SCAF8: variants seen among roughly 807,000 people sequenced by gnomAD.
SCAF8 encodes SR-related and CTD-associated factor 8.
Under a neutral mutation model 140.5 loss-of-function variants are expected in SCAF8, and 23 were observed. That is an observed-to-expected ratio of 0.16 (90% confidence interval 0.12 to 0.23). The LOEUF (loss-of-function observed/expected upper bound fraction) is 0.23. Among genes scored for constraint, SCAF8 ranks in the 10% least tolerant of loss-of-function variants. SCAF8 has a pLI of 1.00. For missense variants in SCAF8, 1,397 were observed against 1,555.7 expected (o/e 0.90, Z 1.72); for synonymous variants, 575 against 528.9 (o/e 1.09, Z -1.20).
At chr6:154,792,187 AAG>A (rs1247688784) in intron 4 of SCAF8, among the ~76,000 whole-genome samples, 1 of 152,128 alleles carries the variant, frequency 6.6e-6, no homozygotes, top group African/African-American at 2.4e-5. Context: ...AGAGGGAATG[AAG>A]AGAGAAGAAA....
intron 10 of SCAF8, 30 bp from the exon 11 acceptor site, chr6:154,808,655 CT>C: frequency 8.5e-7 from 1 of 1,170,018 alleles, no homozygotes; most frequent in African/African-American, 3.6e-5. Flanking sequence ...ACCAGCCTTT[CT>C]GTTTGTTTGC....
chr6:154,747,888 T>G (rs1339183279), intron 1 of SCAF8, among the ~76,000 whole-genome samples: 1 of 138,918 alleles, frequency 7.2e-6, no homozygotes, highest in African/African-American at 2.8e-5. Context: ...GGAGTTTACA[T>G]TTCATTTCTG....
intron 3 of SCAF8, among the ~76,000 whole-genome samples, chr6:154,782,456 C>T (rs1048679383): frequency 3.3e-5 from 5 of 151,582 alleles, no homozygotes; most frequent in Non-Finnish European, 7.4e-5. Flanking sequence ...AAAATGGGGG[C>T]GGCAGCAGCA....
Position 154,733,494 on chromosome 6 carries a change from C to A in SCAF8, c.-407C>A. On this transcript the variant is annotated 5_prime_UTR_variant, in exon 1 of 20. Transcript: ENST00000367178. The stretch of plus-strand genomic sequence containing the variant: ...GCGGGGCTGGTTCCTGCGGCCCGAG[C>A]GGCGGGGAGGTGAAACAGGAGCCCG... 1 of 1,322,026 alleles carries A rather than the reference C, an allele frequency of 7.6e-7. No homozygotes were observed. The highest frequency in any genetic ancestry group is 9.6e-7 in the Non-Finnish European group (1 of 1,038,404). 81.9% of individuals were successfully genotyped at this position (1,322,026 alleles called of 1,614,324 possible). A position where few individuals can be genotyped will look rare whatever the true frequency, so the allele number is the denominator to read the frequency against.
At chr6:154,798,048 G>A (rs1483783909) in intron 6 of SCAF8, among the ~76,000 whole-genome samples, 3 of 151,318 alleles carry the variant, frequency 2.0e-5, no homozygotes, top group Non-Finnish European at 3.0e-5. Context: ...TCAACCTTCA[G>A]CAAACATTTA....
chr6:154,752,478 A>G (rs1411309860), intron 1 of SCAF8, among the ~76,000 whole-genome samples: 5 of 152,072 alleles, frequency 3.3e-5, no homozygotes, highest in Admixed American at 1.3e-4. Flanking sequence ...ACTAGGGGAT[A>G]CTGGGAATTT....
chr6:154,750,468 C>T (rs943250277), intron 1 of SCAF8, among the ~76,000 whole-genome samples: 1 of 152,088 alleles, frequency 6.6e-6, no homozygotes, highest in Non-Finnish European at 1.5e-5. Context: ...CCCTCCCTTT[C>T]CCCCATCCCT....
intron 2 of SCAF8, among the ~76,000 whole-genome samples, chr6:154,776,694 G>A (rs1776926832): frequency 6.6e-6 from 1 of 152,118 alleles, no homozygotes; most frequent in South Asian, 2.1e-4. Flanking sequence ...AAACCATTGA[G>A]TAAACTTACT....
chr6:154,832,723 T>C lies in SCAF8; in HGVS notation c.3144T>C (p.Gly1048=). 6.2e-7 allele frequency: 1 copy of C among 1,613,818 alleles called. No individual in the cohort carries two copies. The highest frequency in any genetic ancestry group is 8.5e-7 in the Non-Finnish European group (1 of 1,179,968). Residue 1048 remains glycine (G), a synonymous_variant, in exon 20 of 20, where the codon GGT becomes GGC. Transcript: ENST00000367178. ...VVGRPIDPRE[G]PGRPPLDGRD... is the part of the protein sequence containing the mutation. ...GGCGGCCTATAGATCCAAGAGAAGG[T>C]CCTGGACGGCCTCCACTAGATGGTA...
At chr6:154,799,067 C>T (rs1777690482) in intron 6 of SCAF8, among the ~76,000 whole-genome samples, 1 of 150,792 alleles carries the variant, frequency 6.6e-6, no homozygotes, top group South Asian at 2.1e-4. Flanking sequence ...ACTGCACCCT[C>T]CGCCTCCCGG....
intron 1 of SCAF8, among the ~76,000 whole-genome samples, chr6:154,744,663 C>T (rs964006220): frequency 6.6e-6 from 1 of 152,142 alleles, no homozygotes; most frequent in Non-Finnish European, 1.5e-5. Flanking sequence ...TAAAGGGGAA[C>T]CATCATTCAA....
chr6:154,781,067 G>A (rs896877232), intron 3 of SCAF8, among the ~76,000 whole-genome samples: 1 of 151,982 alleles, frequency 6.6e-6, no homozygotes, highest in Non-Finnish European at 1.5e-5. Flanking sequence ...TCACCATTCT[G>A]ACTGGTGTGA....
chr6:154,734,002 A>T (rs112740282), intron 1 of SCAF8, 72 bp downstream of exon 1: 3 of 1,442,668 alleles, frequency 2.1e-6, no homozygotes, highest in Non-Finnish European at 2.7e-6. Context: ...CGGGGCCCGG[A>T]GGGTGGGCGC....
chr6:154,787,056 G>A (rs1335247955), intron 3 of SCAF8, among the ~76,000 whole-genome samples: 1 of 152,212 alleles, frequency 6.6e-6, no homozygotes, highest in African/African-American at 2.4e-5. Flanking sequence ...AAAAGCTTGT[G>A]TTGAGAAAGT....
In SCAF8 at chr6:154,792,925, G is replaced by A; in HGVS notation, c.424G>A (p.Val142Ile). The A allele has an allele frequency of 1.2e-6, 2 of 1,613,880 alleles. No individual in the cohort carries two copies. The highest frequency in any genetic ancestry group is 1.7e-6 in the Non-Finnish European group (2 of 1,179,910). The change falls in exon 5 of 20, where the codon GTT becomes ATT. Residue 142 changes from valine to isoleucine, a missense_variant. Coordinates refer to ENST00000367178, the MANE Select transcript of SCAF8 (RefSeq NM_014892.5). ...LDMAAGIPPPVVTPVLASTTT... is the reference protein window; with the variant it reads ...LDMAAGIPPPIVTPVLASTTT... ...TATGGCAGCCGGGATTCCGCCTCCA[G>A]TTGTCACACCTGTTTTGGCCAGCAC...
intron 12 of SCAF8, among the ~76,000 whole-genome samples, chr6:154,811,288 A>C (rs1300330049): frequency 6.6e-6 from 1 of 152,192 alleles, no homozygotes; most frequent in African/African-American, 2.4e-5. Flanking sequence ...TAAGACGTTC[A>C]GAATTATCTA....
chr6:154,803,717 A>G lies in SCAF8; in HGVS notation c.863+94A>G, dbSNP rs1777835627. ...GTATACTTAGTAAGTTGGGATTATTATTTCAAGCTGTTGAACCTCTAACAT... is the reference window on the plus strand; with the variant it reads ...GTATACTTAGTAAGTTGGGATTATTGTTTCAAGCTGTTGAACCTCTAACAT... On this transcript the variant is annotated intron_variant, in intron 8 of 19. Transcript: ENST00000367178. 2.8e-5 allele frequency: 21 copies of G among 751,540 alleles called. No individual in the cohort carries two copies. The South Asian group carries it at 2.9e-4, about 10-fold the overall frequency. 46.6% of individuals were successfully genotyped at this position (751,540 alleles called of 1,614,324 possible). A position where few individuals can be genotyped will look rare whatever the true frequency, so the allele number is the denominator to read the frequency against.
chr6:154,735,816 T>C (rs1778402018), intron 1 of SCAF8, among the ~76,000 whole-genome samples: 2 of 151,842 alleles, frequency 1.3e-5, no homozygotes, highest in African/African-American at 4.8e-5. Context: ...GCCTGGTGTT[T>C]CATTTTTTTT....
chr6:154,828,787 T>C (rs913315673), intron 18 of SCAF8, among the ~76,000 whole-genome samples: 4 of 152,264 alleles, frequency 2.6e-5, no homozygotes, highest in South Asian at 2.1e-4. Flanking sequence ...AACTAGAAAA[T>C]GTGCATTTTG....
Sources: gnomAD v4.1 joint callset for allele counts (sites outside exome capture counted in the v4.1 genomes callset) on GRCh38, gnomAD v4.1.1 for gene constraint, MANE v1.5 for transcripts, NCBI Gene and HGNC (gene_info 2026-07-23, HGNC 2026-07-21) for gene names.